The following SGCD variants were observed in gnomAD, a reference collection of about 807,000 sequenced individuals.
SGCD encodes the protein delta-sarcoglycan.
SGCD carries 18 observed loss-of-function variants against 36.6 expected under a neutral mutation model. The observed-to-expected ratio is 0.49, with a 90% CI of 0.34 to 0.73. The LOEUF (loss-of-function observed/expected upper bound fraction) is 0.73. SGCD is among the 30% of genes least tolerant of loss of function. SGCD has a pLI of 0.01. For synonymous variants in SGCD, 133 were observed against 130.6 expected (o/e 1.02, Z -0.12); for missense variants, 387 against 346.7 (o/e 1.12, Z -0.92).
rs144614563 is a variant in SGCD, at chr5:156,512,063, G to A, written c.294+3361G>A. On this transcript the variant is annotated intron_variant, in intron 4 of 8. Transcript: ENST00000337851. ...ACAAAAATTAGCCAGACACGGTGGC[G>A]GGCAGCTGTAATCCCAGCTATTCCG... Among the ~76,000 whole-genome samples the A allele has an allele frequency of 3.4e-3, 518 of 151,918 alleles. 1 individual carries two copies. Among genetic ancestry groups the A allele is most frequent in the African/African-American group, 0.012 (488 of 41,448 alleles).
chr5:155,901,317 A>AG (rs921174236), intron 1 of SGCD, among the ~76,000 whole-genome samples: 3 of 66,324 alleles, frequency 4.5e-5, no homozygotes, highest in African/African-American at 9.6e-5. Flanking sequence ...CATCTCAGAG[A>AG]AAAAAAAAAA....
At chr5:156,391,062 G>A (rs930615594) in intron 3 of SGCD, among the ~76,000 whole-genome samples, 1 of 152,198 alleles carries the variant, frequency 6.6e-6, no homozygotes, top group Non-Finnish European at 1.5e-5. Context: ...TACCCAGGGA[G>A]AGAAACTTCC....
chr5:156,462,199 G>A (rs1754515663), intron 3 of SGCD, among the ~76,000 whole-genome samples: 1 of 143,702 alleles, frequency 7.0e-6, no homozygotes, highest in Non-Finnish European at 1.6e-5. Context: ...TCCACAGCCA[G>A]ATGACAATAA....
chr5:156,488,409 AAG>A (rs1416931196), intron 3 of SGCD, among the ~76,000 whole-genome samples: 1 of 152,122 alleles, frequency 6.6e-6, no homozygotes, highest in East Asian at 1.9e-4. Context: ...TCTAAAAAGA[AAG>A]AGAAAAGTCA....
In SGCD at chr5:156,229,273, C is replaced by CATATATATATATATATATATATATATAT. The variant is rs1383896091; in HGVS notation, c.-43-100258_-43-100257insTATATATATATATATATATATATATATA. On this transcript the variant is annotated intron_variant, in intron 3 of 9. Transcript: ENST00000517913. ...ATATACATACATACATATATATATA[C>CATATATATATATATATATATATATATAT]ATACATATATATATATATATATATA... Among the ~76,000 whole-genome samples the CATATATATATATATATATATATATATAT allele has an allele frequency of 8.0e-3, 68 of 8,542 alleles. 1 individual carries two copies. Among genetic ancestry groups the CATATATATATATATATATATATATATAT allele is most frequent in the African/African-American group, 0.015 (60 of 4,104 alleles). The allele number at this position is 8,542 out of a possible 152,430, so 5.6% of individuals were successfully genotyped here. A position where few individuals can be genotyped will look rare whatever the true frequency, so the allele number is the denominator to read the frequency against.
chr5:156,187,470 C>A (rs1763789279), intron 3 of SGCD, among the ~76,000 whole-genome samples: 1 of 152,054 alleles, frequency 6.6e-6, no homozygotes, highest in African/African-American at 2.4e-5. Context: ...GACATATAGT[C>A]TCTAGCCCTC....
intron 3 of SGCD, among the ~76,000 whole-genome samples, chr5:156,416,217 C>A (rs1228530092): frequency 6.6e-6 from 1 of 152,166 alleles, no homozygotes; most frequent in Non-Finnish European, 1.5e-5. Context: ...GCATTCACAG[C>A]AACCTGGGTG....
intron 3 of SGCD, among the ~76,000 whole-genome samples, chr5:156,426,996 T>C (rs1017607861): frequency 4.6e-5 from 7 of 152,162 alleles, no homozygotes; most frequent in Non-Finnish European, 1.0e-4. Flanking sequence ...AGATTTGTTC[T>C]TTTTGCTTAG....
chr5:156,028,190 T>G (rs772925232), intron 1 of SGCD, among the ~76,000 whole-genome samples: 9 of 152,208 alleles, frequency 5.9e-5, no homozygotes, highest in Admixed American at 1.3e-4. Flanking sequence ...CTGGGTTCAG[T>G]GACTATCATT....
At chr5:155,806,268 C>T in the SGCD span, among the ~76,000 whole-genome samples, 1 of 152,180 alleles carries the variant, frequency 6.6e-6, no homozygotes. Flanking sequence ...GATTCTCCTG[C>T]CTTAGCCTCC....
At chr5:156,427,306 G>A (rs1773715246) in intron 3 of SGCD, among the ~76,000 whole-genome samples, 2 of 152,042 alleles carry the variant, frequency 1.3e-5, no homozygotes, top group African/African-American at 2.4e-5. Flanking sequence ...TGAAGCTGTT[G>A]TAAAAGGGAT....
Position 156,531,028 on chromosome 5 carries a change from C to G in SGCD, c.294+22326C>G, listed in dbSNP as rs577794030. Among the ~76,000 whole-genome samples the G allele has an allele frequency of 2.6e-5, 4 of 152,186 alleles. No individual in the cohort carries two copies. In the East Asian group the frequency reaches 7.7e-4, roughly 29 times the overall value. ...AACTCATGTGTTAAAACTTAATGACCTATGTGATAGTATTAAGAGGCGGGG... is the reference window on the plus strand; with the variant it reads ...AACTCATGTGTTAAAACTTAATGACGTATGTGATAGTATTAAGAGGCGGGG... On this transcript the variant is annotated intron_variant, in intron 4 of 8. Coordinates refer to ENST00000337851, the MANE Select transcript of SGCD (RefSeq NM_000337.6).
the SGCD span, among the ~76,000 whole-genome samples, chr5:155,733,729 G>A: frequency 1.3e-5 from 2 of 151,974 alleles, no homozygotes; most frequent in Non-Finnish European, 2.9e-5. Context: ...TAATGGTTAA[G>A]TTGGGCCCCG....
At chr5:156,348,115 A>C (rs75105254) in intron 3 of SGCD, among the ~76,000 whole-genome samples, 1,865 of 152,318 alleles carry the variant, frequency 0.012, 42 homozygotes, top group African/African-American at 0.042. Flanking sequence ...ACAAATAAAA[A>C]TTTACTGACA....
intron 4 of SGCD, among the ~76,000 whole-genome samples, chr5:156,547,513 G>A (rs1046066828): frequency 1.3e-5 from 2 of 150,396 alleles, no homozygotes; most frequent in Non-Finnish European, 2.9e-5. Context: ...TGCGATCCCT[G>A]CTCACTGCGA....
intron 7 of SGCD, among the ~76,000 whole-genome samples, chr5:156,716,480 C>T (rs1755228238): frequency 6.6e-6 from 1 of 152,204 alleles, no homozygotes; most frequent in Non-Finnish European, 1.5e-5. Flanking sequence ...GCTGTCTTAG[C>T]TCTGCCTCTT....
chr5:156,396,177 G>A (rs998337988), intron 3 of SGCD, among the ~76,000 whole-genome samples: 8 of 152,176 alleles, frequency 5.3e-5, no homozygotes, highest in African/African-American at 1.4e-4. Flanking sequence ...TTAATTTCAT[G>A]CACAGAGAGA....
In SGCD at chr5:156,056,880, C is replaced by T. The variant is rs181930555; in HGVS notation, c.-281-60998C>T. Among the ~76,000 whole-genome samples, 11 of 145,780 alleles carry T rather than the reference C, an allele frequency of 7.5e-5. No individual in the cohort carries two copies. The East Asian group carries it at 2.1e-3, about 28-fold the overall frequency. On this transcript the variant is annotated intron_variant, in intron 1 of 9. Transcript: ENST00000517913. ...AAGTACTTTATGAATCCTCTTGTTG[C>T]CTTATCTGTGGCAAGCGATGACTGA...
chr5:155,800,740 A>G, the SGCD span, among the ~76,000 whole-genome samples: 1 of 152,022 alleles, frequency 6.6e-6, no homozygotes, highest in Non-Finnish European at 1.5e-5. Flanking sequence ...TGTTTTCCCT[A>G]GTATTGGCAA....
Sources: allele counts gnomAD v4.1 joint callset (sites outside exome capture counted in the v4.1 genomes callset), GRCh38; gene constraint gnomAD v4.1.1; transcripts MANE v1.5; gene names NCBI Gene and HGNC (gene_info 2026-07-23, HGNC 2026-07-21).